Variants in DCLK1 observed in about 807,000 individuals in gnomAD.
DCLK1 encodes doublecortin like kinase 1.
Under a neutral mutation model 86.2 loss-of-function variants are expected in DCLK1, and 16 were observed. The ratio of observed to expected loss-of-function variants is 0.19; its 90% CI spans 0.13 to 0.28. The LOEUF is 0.28. Among genes scored for constraint, DCLK1 ranks in the 10% least tolerant of loss-of-function variants. The probability of loss-of-function intolerance (pLI) is 1.00; values close to 1 mark genes in which losing one functional copy is unlikely to be tolerated. For synonymous variants in DCLK1, 369 were observed against 370.5 expected (o/e 1.00, Z 0.05); for missense variants, 590 against 940.2 (o/e 0.63, Z 4.87).
At chr13:36,043,745 T>A (rs909740505) in intron 3 of DCLK1, among the ~76,000 whole-genome samples, 3 of 152,150 alleles carry the variant, frequency 2.0e-5, no homozygotes, top group African/African-American at 7.2e-5. Context: ...ACCTTTGAAA[T>A]TCTGCTAAAA....
chr13:35,909,264 C>T (rs2153124253), intron 4 of DCLK1, among the ~76,000 whole-genome samples: 1 of 152,342 alleles, frequency 6.6e-6, no homozygotes, highest in South Asian at 2.1e-4. Context: ...CCCATTTCAA[C>T]ACTTACAACT....
At chr13:35,848,558 T>A in intron 6 of DCLK1, 6 of 985,306 alleles carry the variant, frequency 6.1e-6, no homozygotes, top group Non-Finnish European at 7.2e-6. Context: ...TATCGGCAAT[T>A]AGTACAAGTC....
intron 4 of DCLK1, among the ~76,000 whole-genome samples, chr13:35,944,987 C>T (rs1184543847): frequency 3.3e-5 from 5 of 152,062 alleles, no homozygotes; most frequent in African/African-American, 7.2e-5. Flanking sequence ...CCGCAACCTC[C>T]GCCTCCCAGG....
At chr13:35,887,937 C>T (rs534446831) in intron 4 of DCLK1, among the ~76,000 whole-genome samples, 17 of 130,970 alleles carry the variant, frequency 1.3e-4, no homozygotes, top group African/African-American at 4.4e-4. Flanking sequence ...AGCATGTTCA[C>T]ACATACATAT....
In DCLK1 at chr13:35,903,652, TACAC is replaced by T. The variant is rs56345575; in HGVS notation, c.824-32316_824-32313del. Among the ~76,000 whole-genome samples, 1,356 of 150,262 alleles carry T rather than the reference TACAC, an allele frequency of 9.0e-3. 12 individuals are homozygous for T. Among genetic ancestry groups the T allele is most frequent in the Middle Eastern group, 0.021 (6 of 292 alleles). On this transcript the variant is annotated intron_variant, in intron 4 of 16. Transcript: ENST00000360631. Reference sequence around the variant, plus strand: ...GCTAAAAAATGTTGAAGGCTATACATACACACACACACACACACGAATGTTCTAC... The same window carrying T: ...GCTAAAAAATGTTGAAGGCTATACATACACACACACACACGAATGTTCTAC...
intron 6 of DCLK1, chr13:35,849,721 CA>C: frequency 1.0e-6 from 1 of 985,020 alleles, no homozygotes; most frequent in Non-Finnish European, 1.2e-6. Context: ...TGAAAATTTC[CA>C]AAACACCAGC....
intron 4 of DCLK1, among the ~76,000 whole-genome samples, chr13:35,893,799 T>C (rs1463489754): frequency 6.6e-6 from 1 of 152,198 alleles, no homozygotes; most frequent in Non-Finnish European, 1.5e-5. Flanking sequence ...GTATTAATGG[T>C]GTATCATATT....
intron 3 of DCLK1, among the ~76,000 whole-genome samples, chr13:36,080,238 C>A (rs900062736): frequency 2.6e-4 from 39 of 152,042 alleles, no homozygotes; most frequent in African/African-American, 9.4e-4. Context: ...GTGCGGATAA[C>A]CAGTGTTCGG....
intron 3 of DCLK1, among the ~76,000 whole-genome samples, chr13:36,034,361 T>C (rs762982476): frequency 8.5e-5 from 13 of 152,330 alleles, no homozygotes; most frequent in Non-Finnish European, 1.3e-4. Flanking sequence ...TATGACTAAG[T>C]CTGTACAATA....
intron 3 of DCLK1, among the ~76,000 whole-genome samples, chr13:36,082,868 G>A (rs776569768): frequency 3.3e-5 from 5 of 152,112 alleles, no homozygotes; most frequent in African/African-American, 9.7e-5. Context: ...CCTTGCTCCC[G>A]GTGGAGAGAA....
At position 35,769,644 on chromosome 13, in the gene DCLK1, G is replaced by A. The variant is rs373970766; in HGVS notation, c.*4891C>T. The A allele has an allele frequency of 1.3e-5, 2 of 152,080 alleles. No individual in the cohort carries two copies. The highest frequency in any genetic ancestry group is 1.9e-4 in the East Asian group (1 of 5,182). 9.4% of individuals were successfully genotyped at this position (152,080 alleles called of 1,614,324 possible). ...TGGACTGGAGTGAACTGACATTATA[G>A]CATCTTTATCATCACCTTTAAAATT... is the stretch of plus-strand genomic sequence containing the variant. On this transcript the variant is annotated 3_prime_UTR_variant, in exon 17 of 17. Transcript: ENST00000360631.
chr13:36,026,190 G>A (rs1464123511), intron 3 of DCLK1, among the ~76,000 whole-genome samples: 1 of 152,198 alleles, frequency 6.6e-6, no homozygotes, highest in African/African-American at 2.4e-5. Context: ...ACATTGGGCA[G>A]GAAATGTGTT....
chr13:36,066,624 T>C (rs1321080152), intron 3 of DCLK1, among the ~76,000 whole-genome samples: 3 of 151,934 alleles, frequency 2.0e-5, no homozygotes, highest in Non-Finnish European at 4.4e-5. Flanking sequence ...ACAGGCAACC[T>C]ACAAAATGGG....
chr13:35,986,812 T>C (rs913831597), intron 3 of DCLK1, among the ~76,000 whole-genome samples: 1 of 152,122 alleles, frequency 6.6e-6, no homozygotes, highest in African/African-American at 2.4e-5. Flanking sequence ...TAAGTAGAGC[T>C]ACACCTTAGT....
intron 4 of DCLK1, among the ~76,000 whole-genome samples, chr13:35,891,396 C>T (rs997820054): frequency 6.6e-6 from 1 of 152,078 alleles, no homozygotes; most frequent in African/African-American, 2.4e-5. Context: ...TATAACATTA[C>T]TTTTGTAAAA....
intron 4 of DCLK1, among the ~76,000 whole-genome samples, chr13:35,894,288 A>G (rs567993364): frequency 2.0e-5 from 3 of 152,312 alleles, no homozygotes; most frequent in African/African-American, 7.2e-5. Context: ...CATTTTAAAG[A>G]TGAACTTAAG....
intron 14 of DCLK1, 88 bp from the exon 15 acceptor site, chr13:35,805,867 G>A (rs991471736): frequency 1.7e-5 from 21 of 1,203,704 alleles, no homozygotes; most frequent in African/African-American, 6.1e-5. Flanking sequence ...TTTTAGTTTC[G>A]AAAAGCATTT....
At chr13:36,114,564 T>A (rs7999443) in intron 2 of DCLK1, among the ~76,000 whole-genome samples, 51,168 of 152,112 alleles carry the variant, frequency 0.34, 9,311 homozygotes, top group East Asian at 0.71. Flanking sequence ...GATTTCCTTA[T>A]GCTAATAAAT....
chr13:35,947,493 T>C, intron 3 of DCLK1, 36 bp from the exon 4 acceptor site: 1 of 1,567,510 alleles, frequency 6.4e-7, no homozygotes, highest in Non-Finnish European at 8.8e-7. Context: ...GCAAGGGTGG[T>C]AGAACAGCAA....
Sources: allele counts gnomAD v4.1 joint callset (sites outside exome capture counted in the v4.1 genomes callset), GRCh38; gene constraint gnomAD v4.1.1; transcripts MANE v1.5; gene names NCBI Gene and HGNC (gene_info 2026-07-23, HGNC 2026-07-21).